The following WDR27 variants were observed in gnomAD, a reference collection of about 807,000 sequenced individuals.
WDR27 encodes WD repeat domain 27, also known as WD repeat-containing protein 27.
In WDR27, 100 loss-of-function variants were observed where a neutral mutation model predicts 114.4. The ratio of observed to expected loss-of-function variants is 0.87; its 90% CI spans 0.74 to 1.03. The LOEUF (loss-of-function observed/expected upper bound fraction) is 1.03, where lower values mean the gene tolerates loss of function less well. WDR27 is among the 50% of genes least tolerant of loss of function. The pLI, the probability that WDR27 is intolerant of heterozygous loss-of-function variation, is 0.00. For missense variants in WDR27, 1,129 were observed against 1,092.9 expected (o/e 1.03, Z -0.47); for synonymous variants, 449 against 423.1 (o/e 1.06, Z -0.75).
chr6:169,599,794 C>T (rs373655027), intron 23 of WDR27, among the ~76,000 whole-genome samples: 3,106 of 151,980 alleles, frequency 0.02, 66 homozygotes, highest in East Asian at 0.087. Flanking sequence ...ATTTCTTGCC[C>T]TCTGTTAGCT....
chr6:169,688,463 T>A (rs1783629473), intron 2 of WDR27, among the ~76,000 whole-genome samples: 1 of 152,142 alleles, frequency 6.6e-6, no homozygotes, highest in Non-Finnish European at 1.5e-5. Flanking sequence ...ACTTATTATG[T>A]GGAACTTTTT....
chr6:169,509,756 C>A (rs1288308926), intron 25 of WDR27, among the ~76,000 whole-genome samples: 1 of 152,070 alleles, frequency 6.6e-6, no homozygotes, highest in Non-Finnish European at 1.5e-5. Context: ...AAAGCAGTGG[C>A]AACAAAAGCC....
chr6:169,647,538 G>T, intron 16 of WDR27: 1 of 605,404 alleles, frequency 1.7e-6, no homozygotes. Context: ...TAGTGAGTGA[G>T]TGCCAGTGTC....
intron 25 of WDR27, among the ~76,000 whole-genome samples, chr6:169,520,306 A>G (rs907712848): frequency 6.6e-6 from 1 of 152,214 alleles, no homozygotes; most frequent in Non-Finnish European, 1.5e-5. Flanking sequence ...AACTGAGGCA[A>G]ACCTGAGCTT....
At chr6:169,532,432 C>T (rs1421873404) in intron 25 of WDR27, among the ~76,000 whole-genome samples, 6 of 152,052 alleles carry the variant, frequency 3.9e-5, no homozygotes, top group South Asian at 2.1e-4. Flanking sequence ...AAGTCTATAA[C>T]AAATTATTGA....
rs375033343 is a variant in WDR27 at position 169,643,740 on chromosome 6, G to A, written c.1704C>T (p.Leu568=). Reference sequence around the variant, plus strand: ...TCCCAGTCAGGCTGGCATCAAAAACGAGTAACAGATGGTTGGCCAACCCAC... The same window carrying A: ...TCCCAGTCAGGCTGGCATCAAAAACAAGTAACAGATGGTTGGCCAACCCAC... ...LACGLANHLL[L]VFDASLTGTP... The change falls in exon 17 of 26, where the codon CTC becomes CTT. Residue 568 remains leucine, a synonymous_variant. Coordinates refer to ENST00000448612, the MANE Select transcript of WDR27 (RefSeq NM_182552.5). The A allele has an allele frequency of 4.8e-5, 77 of 1,613,666 alleles. 1 individual carries two copies. The African/African-American group carries it at 7.1e-4, about 15-fold the overall frequency.
intron 25 of WDR27, among the ~76,000 whole-genome samples, chr6:169,479,846 T>C (rs1483920798): frequency 1.3e-5 from 2 of 152,240 alleles, no homozygotes; most frequent in Non-Finnish European, 2.9e-5. Context: ...TTATTTTTCC[T>C]GATTCTCTCC....
intron 22 of WDR27, among the ~76,000 whole-genome samples, chr6:169,609,453 C>T (rs566780899): frequency 5.3e-5 from 8 of 152,126 alleles, no homozygotes; most frequent in Admixed American, 3.3e-4. Context: ...TCTGTGCACC[C>T]GTAGGCCCAA....
rs144822736 is a variant in WDR27 at position 169,698,736 on chromosome 6, C to T, written c.-8+2815G>A. Among the ~76,000 whole-genome samples, 350 of 152,286 alleles carry T rather than the reference C, an allele frequency of 2.3e-3. 2 individuals are homozygous for T. Among genetic ancestry groups the T allele is most frequent in the African/African-American group, 7.9e-3 (328 of 41,558 alleles). On this transcript the variant is annotated intron_variant, in intron 1 of 25. Coordinates refer to ENST00000448612, the MANE Select transcript of WDR27 (RefSeq NM_182552.5). ...GCACAGGCTTGGTCCTGTCACAGCC[C>T]GTGCACAGCCCTTCATGCTGGAGGC...
At chr6:169,480,474 G>A (rs771597554) in intron 25 of WDR27, among the ~76,000 whole-genome samples, 3 of 152,256 alleles carry the variant, frequency 2.0e-5, no homozygotes, top group Non-Finnish European at 2.9e-5. Flanking sequence ...GCCCCAGAGC[G>A]GGATCCACTA....
chr6:169,426,766 C>G, the WDR27 span: 1 of 152,318 alleles, frequency 6.6e-6, no homozygotes, highest in African/African-American at 2.4e-5. Context: ...GCTGAGGCCT[C>G]GCCATGCCCA....
chr6:169,669,127 G>C (rs1009013584), intron 4 of WDR27, among the ~76,000 whole-genome samples: 2 of 152,086 alleles, frequency 1.3e-5, no homozygotes. Context: ...ATTTCCTTTT[G>C]ACATTTTATG....
At chr6:169,441,484 T>G in the WDR27 span, among the ~76,000 whole-genome samples, 4 of 152,036 alleles carry the variant, frequency 2.6e-5, no homozygotes, top group Non-Finnish European at 5.9e-5. Flanking sequence ...AGGGACAATC[T>G]CACCAGCCAG....
At chr6:169,639,161 A>G (rs1166969114) in intron 17 of WDR27, among the ~76,000 whole-genome samples, 1 of 129,336 alleles carries the variant, frequency 7.7e-6, no homozygotes. Context: ...TGGGGCGTGT[A>G]CTGCGTGGTG....
chr6:169,641,630 C>T (rs1819193546), intron 17 of WDR27, among the ~76,000 whole-genome samples: 1 of 152,212 alleles, frequency 6.6e-6, no homozygotes, highest in Non-Finnish European at 1.5e-5. Flanking sequence ...GGGCAGTCCC[C>T]GCTCCGAGAA....
Position 169,665,550 on chromosome 6 carries a change from G to C in WDR27, c.719C>G (p.Pro240Arg). The C allele has an allele frequency of 6.2e-7, 1 of 1,613,338 alleles. No homozygotes were observed. Among genetic ancestry groups the C allele is most frequent in the Non-Finnish European group, 8.5e-7 (1 of 1,179,500 alleles). The stretch of plus-strand genomic sequence containing the variant: ...TGCATCAATGAATAAACTGAGAAGA[G>C]GATATGCTGGTGAAAGGAACATCGG... ...IYSSSVLSAY[P>R]LLSLFIDAES... The change falls in exon 7 of 26, where the codon CCT (proline) becomes CGT (arginine). Residue 240 changes from proline (P) to arginine (R), a missense_variant. By Grantham distance (103) the Pro-to-Arg change is moderately radical (BLOSUM62 -2). Coordinates refer to ENST00000448612, the MANE Select transcript of WDR27 (RefSeq NM_182552.5).
chr6:169,662,511 T>G (rs1352005827), intron 8 of WDR27, 87 bp from the exon 9 acceptor site: 1 of 1,514,588 alleles, frequency 6.6e-7, no homozygotes, highest in Non-Finnish European at 9.0e-7. Flanking sequence ...ACAGAGATGC[T>G]GCAGTGAATG....
Position 169,583,021 on chromosome 6 carries a change from G to C in WDR27, c.2425-87C>G, listed in dbSNP as rs185423347. The stretch of plus-strand genomic sequence containing the variant: ...AGGCAGAGCAGAGGGACCATCTATA[G>C]ATTAGTGTAGTTGATCAGATACAAC... On this transcript the variant is annotated intron_variant, in intron 23 of 25. Coordinates refer to ENST00000448612, the MANE Select transcript of WDR27 (RefSeq NM_182552.5). The C allele has an allele frequency of 9.9e-4, 1,126 of 1,136,290 alleles. 2 individuals are homozygous for C. The highest frequency in any genetic ancestry group is 7.8e-4 in the Non-Finnish European group (608 of 775,020). The allele number at this position is 1,136,290 out of a possible 1,614,324, so 70.4% of individuals were successfully genotyped here.
chr6:169,577,245 A>G (rs1037028310), intron 24 of WDR27, among the ~76,000 whole-genome samples: 15 of 152,090 alleles, frequency 9.9e-5, no homozygotes, highest in Non-Finnish European at 1.8e-4. Context: ...GCAACCTGGG[A>G]AAGTGGGAAT....
Sources: allele counts gnomAD v4.1 joint callset (sites outside exome capture counted in the v4.1 genomes callset), GRCh38; gene constraint gnomAD v4.1.1; transcripts MANE v1.5; gene names NCBI Gene and HGNC (gene_info 2026-07-23, HGNC 2026-07-21).